Variants in STK40 observed in about 807,000 individuals in gnomAD.
The protein encoded by STK40 is serine/threonine kinase 40, also known as serine/threonine-protein kinase 40.
A neutral mutation model predicts 47.9 loss-of-function variants in STK40; 13 were observed. The observed-to-expected ratio is 0.27, with a 90% CI of 0.18 to 0.43. STK40 has a LOEUF of 0.43. Among genes scored for constraint, STK40 ranks in the 20% least tolerant of loss-of-function variants. The probability of loss-of-function intolerance (pLI) is 1.00; values close to 1 mark genes in which losing one functional copy is unlikely to be tolerated. For synonymous variants in STK40, 225 were observed against 243.2 expected, an observed-to-expected ratio of 0.93 and a Z score of 0.69; for missense variants, 460 against 595.1, an observed-to-expected ratio of 0.77 and a Z score of 2.36.
chr1:36,341,813 G>A lies in STK40; in HGVS notation c.1250C>T (p.Ala417Val). The A allele has an allele frequency of 6.2e-7, 1 of 1,613,272 alleles. No homozygotes were observed. Among genetic ancestry groups the A allele is most frequent in the Non-Finnish European group, 8.5e-7 (1 of 1,179,964 alleles). The change falls in exon 11 of 11, where the codon GCA (alanine) becomes GTA (valine). Residue 417 changes from alanine to valine, a missense_variant. Ala to Val is a moderately conservative substitution (Grantham distance 64, BLOSUM62 0). Coordinates refer to ENST00000373132, the MANE Select transcript of STK40 (RefSeq NM_001282547.2). Reference sequence around the variant, plus strand: ...CGTGTCCAAGGAGGTCATGGGCTGTGCGTCGTGGCCCAGCCGTCGCACCGG... The same window carrying A: ...CGTGTCCAAGGAGGTCATGGGCTGTACGTCGTGGCCCAGCCGTCGCACCGG... Reference protein sequence around the residue: ...APPVRRLGHDAQPMTSLDTAI... With the variant: ...APPVRRLGHDVQPMTSLDTAI...
chr1:36,349,157 A>G (rs2124728891), intron 6 of STK40, among the ~76,000 whole-genome samples: 1 of 152,346 alleles, frequency 6.6e-6, no homozygotes. Context: ...TCTCAAAAAC[A>G]GCCTCACGTA....
intron 1 of STK40, 42 bp from the exon 2 acceptor site, chr1:36,361,382 C>G (rs759486789): frequency 1.4e-5 from 22 of 1,611,042 alleles, no homozygotes; most frequent in Non-Finnish European, 1.9e-5. Context: ...AGTAAGTCAG[C>G]GAGTTTCCTT....
At chr1:36,356,542 C>T (rs898352674) in intron 4 of STK40, among the ~76,000 whole-genome samples, 22 of 150,780 alleles carry the variant, frequency 1.5e-4, no homozygotes, top group Non-Finnish European at 2.5e-4. Flanking sequence ...TCTCCTGCCT[C>T]AGCCTCCCGA....
intron 1 of STK40, among the ~76,000 whole-genome samples, chr1:36,372,489 G>A (rs554273703): frequency 2.6e-5 from 4 of 151,278 alleles, no homozygotes; most frequent in Middle Eastern, 6.8e-3. Context: ...ACTCAGAGCT[G>A]CCTGAAGTCA....
intron 1 of STK40, among the ~76,000 whole-genome samples, chr1:36,373,033 T>C (rs1384913008): frequency 2.0e-5 from 3 of 152,158 alleles, no homozygotes; most frequent in Admixed American, 6.5e-5. Context: ...AAATGCCAAC[T>C]GGGATAGCAA....
intron 1 of STK40, among the ~76,000 whole-genome samples, chr1:36,363,652 A>C (rs77283409): frequency 6.9e-6 from 1 of 144,904 alleles, no homozygotes; most frequent in South Asian, 2.2e-4. Flanking sequence ...TAAAAATACA[A>C]AAAAAAAAAA....
intron 1 of STK40, among the ~76,000 whole-genome samples, chr1:36,378,466 T>A (rs1456879718): frequency 6.6e-6 from 1 of 152,014 alleles, no homozygotes; most frequent in African/African-American, 2.4e-5. Flanking sequence ...GGGCTTTTTT[T>A]CTTTTTTTTT....
intron 1 of STK40, among the ~76,000 whole-genome samples, chr1:36,366,504 G>A (rs1444039527): frequency 1.3e-5 from 2 of 152,182 alleles, no homozygotes; most frequent in Admixed American, 6.5e-5. Context: ...CTAGTAGGGT[G>A]AGCAAAGACA....
chr1:36,380,086 T>C (rs966443309), intron 1 of STK40, among the ~76,000 whole-genome samples: 1 of 152,148 alleles, frequency 6.6e-6, no homozygotes, highest in African/African-American at 2.4e-5. Context: ...AGATAGTAAG[T>C]AAATCACAGC....
At chr1:36,352,471 A>G (rs190815777) in intron 6 of STK40, among the ~76,000 whole-genome samples, 12 of 152,082 alleles carry the variant, frequency 7.9e-5, no homozygotes, top group Non-Finnish European at 1.5e-5. Context: ...ATCAGTAAGT[A>G]CCCAGAGGAC....
At chr1:36,344,618 C>G (rs1466304686) in intron 7 of STK40, among the ~76,000 whole-genome samples, 2 of 152,186 alleles carry the variant, frequency 1.3e-5, no homozygotes, top group Non-Finnish European at 2.9e-5. Flanking sequence ...GATGAGCTGG[C>G]CGCTCCTCCT....
intron 1 of STK40, among the ~76,000 whole-genome samples, chr1:36,368,281 AT>A (rs1156587799): frequency 6.6e-6 from 1 of 151,558 alleles, no homozygotes; most frequent in African/African-American, 2.4e-5. Flanking sequence ...TGCTATATAT[AT>A]ATTTTTTTTC....
intron 9 of STK40, 39 bp downstream of exon 9, chr1:36,343,821 G>A (rs781182129): frequency 6.5e-7 from 1 of 1,540,440 alleles, no homozygotes; most frequent in Non-Finnish European, 8.8e-7. Context: ...AGGCCCTGAG[G>A]ACGCAGCCTT....
At chr1:36,364,025 C>A (rs1360239975) in intron 1 of STK40, among the ~76,000 whole-genome samples, 1 of 151,052 alleles carries the variant, frequency 6.6e-6, no homozygotes, top group Admixed American at 6.6e-5. Flanking sequence ...GTGGTGGGCA[C>A]CTGTAGTCCC....
chr1:36,365,334 T>C (rs936759040), intron 1 of STK40, among the ~76,000 whole-genome samples: 1 of 152,188 alleles, frequency 6.6e-6, no homozygotes, highest in East Asian at 1.9e-4. Flanking sequence ...CTATATGTGG[T>C]GCACCAGAAA....
intron 1 of STK40, among the ~76,000 whole-genome samples, chr1:36,385,062 G>A (rs1647073703): frequency 6.6e-6 from 1 of 152,206 alleles, no homozygotes; most frequent in South Asian, 2.1e-4. Flanking sequence ...CAGAAAACTC[G>A]GCATCAGGAA....
In STK40 at chr1:36,361,200, T is replaced by C. The variant is rs761393335; in HGVS notation, c.112+21A>G. The C allele has an allele frequency of 4.6e-5, 75 of 1,613,672 alleles. 1 individual carries two copies. Among genetic ancestry groups the C allele is most frequent in the Non-Finnish European group, 5.7e-5 (67 of 1,179,970 alleles). On this transcript the variant is annotated intron_variant, in intron 2 of 10. Coordinates refer to ENST00000373132, the MANE Select transcript of STK40 (RefSeq NM_001282547.2). ...CCCTGCCTCCCAGCCCACCCATTTT[T>C]CCCAAAGGTCAGAGGCTTACCAAGG...
chr1:36,366,829 TCTTC>T (rs1235818392), intron 1 of STK40, among the ~76,000 whole-genome samples: 2 of 150,520 alleles, frequency 1.3e-5, no homozygotes, highest in African/African-American at 4.9e-5. Context: ...TCTACATTCT[TCTTC>T]TTCTTTTTTT....
chr1:36,345,989 A>ATTTTTTTTTTTTTT (rs1330462605), intron 7 of STK40, among the ~76,000 whole-genome samples: 31 of 19,578 alleles, frequency 1.6e-3, no homozygotes, highest in South Asian at 2.5e-3. Flanking sequence ...ATATATATAT[A>ATTTTTTTTTTTTTT]TATTTTTTTT....
Sources: allele counts gnomAD v4.1 joint callset (sites outside exome capture counted in the v4.1 genomes callset), GRCh38; gene constraint gnomAD v4.1.1; transcripts MANE v1.5; gene names NCBI Gene and HGNC (gene_info 2026-07-23, HGNC 2026-07-21).